Variants in OMA1 observed in about 807,000 individuals in gnomAD.
OMA1 encodes metalloendopeptidase OMA1, mitochondrial.
A neutral mutation model predicts 30.9 loss-of-function variants in OMA1; 38 were observed. The ratio of observed to expected loss-of-function variants is 1.23; its 90% CI spans 0.95 to 1.61. The LOEUF is 1.61. Ranked by LOEUF, OMA1 falls within the 40% of genes most tolerant of loss-of-function variation. The pLI is 0.00. For missense variants in OMA1, 461 were observed against 349.2 expected, an observed-to-expected ratio of 1.32 and a Z score of -2.55; for synonymous variants, 173 against 121.9, an observed-to-expected ratio of 1.42 and a Z score of -2.76.
intron 5 of OMA1, among the ~76,000 whole-genome samples, chr1:58,532,075 C>G (rs1276058082): frequency 6.6e-6 from 1 of 152,016 alleles, no homozygotes. Flanking sequence ...GAAGAGAAAG[C>G]CCTTGTTATT....
At chr1:58,484,350 C>A (rs1645538950) in intron 8 of OMA1, among the ~76,000 whole-genome samples, 1 of 152,180 alleles carries the variant, frequency 6.6e-6, no homozygotes, top group African/African-American at 2.4e-5. Flanking sequence ...ATGATCTGAT[C>A]AAAGAGTAAG....
At chr1:58,513,484 C>G (rs766888398) in intron 7 of OMA1, among the ~76,000 whole-genome samples, 1 of 152,132 alleles carries the variant, frequency 6.6e-6, no homozygotes, top group Non-Finnish European at 1.5e-5. Flanking sequence ...ACTGTAAGTA[C>G]ACGAAGAAAG....
At chr1:58,537,794 C>T (rs1646540547) in intron 2 of OMA1, among the ~76,000 whole-genome samples, 1 of 152,062 alleles carries the variant, frequency 6.6e-6, no homozygotes, top group African/African-American at 2.4e-5. Flanking sequence ...TACTTATTTC[C>T]TATTTAAAAC....
chr1:58,535,549 T>C (rs916988357), intron 3 of OMA1, among the ~76,000 whole-genome samples: 2 of 138,760 alleles, frequency 1.4e-5, no homozygotes, highest in Non-Finnish European at 3.0e-5. Flanking sequence ...TGAGCCAAGA[T>C]GGCACCACTG....
chr1:58,505,141 A>T (rs933049266), intron 8 of OMA1, among the ~76,000 whole-genome samples: 10 of 152,098 alleles, frequency 6.6e-5, no homozygotes, highest in Non-Finnish European at 1.2e-4. Context: ...CAGTAGAGAC[A>T]GGGTTTCACC....
At chr1:58,524,216 A>G (rs1241494831) in intron 7 of OMA1, among the ~76,000 whole-genome samples, 2 of 152,198 alleles carry the variant, frequency 1.3e-5, no homozygotes, top group African/African-American at 2.4e-5. Context: ...CCAGAATAGC[A>G]CACTTTCATC....
intron 6 of OMA1, among the ~76,000 whole-genome samples, chr1:58,530,032 C>A (rs1299907357): frequency 1.3e-5 from 2 of 152,150 alleles, no homozygotes; most frequent in African/African-American, 4.8e-5. Flanking sequence ...AGGCGCCCGC[C>A]ACAACGCCAG....
rs183057132 is a variant in OMA1 at position 58,485,442 on chromosome 1, T to C, written c.1366-4268A>G. 2.6e-3 allele frequency among the ~76,000 whole-genome samples: 399 copies of C among 152,072 alleles called. 1 individual carries two copies. The highest frequency in any genetic ancestry group is 5.0e-3 in the Non-Finnish European group (341 of 67,964). ...TTTAATTGCTAGAAACACTATATGT[T>C]CTTCATACAGGTTTTCTATCACTAC... On this transcript the variant is annotated intron_variant, in intron 8 of 8. Coordinates refer to ENST00000371226, the MANE Select transcript of OMA1 (RefSeq NM_145243.5).
intron 8 of OMA1, among the ~76,000 whole-genome samples, chr1:58,498,626 A>G (rs188546571): frequency 1.1e-4 from 17 of 152,308 alleles, no homozygotes; most frequent in Admixed American, 4.6e-4. Flanking sequence ...CAAAAACTCT[A>G]TAAAGGAAAT....
intron 7 of OMA1, among the ~76,000 whole-genome samples, chr1:58,511,845 A>G (rs1439885227): frequency 6.6e-6 from 1 of 152,232 alleles, no homozygotes; most frequent in East Asian, 1.9e-4. Context: ...GAAAAGTTTC[A>G]TGACTTTGGT....
chr1:58,539,846 C>T (rs1247756198), intron 1 of OMA1, among the ~76,000 whole-genome samples: 1 of 152,058 alleles, frequency 6.6e-6, no homozygotes, highest in Non-Finnish European at 1.5e-5. Context: ...CCAGTGGTTC[C>T]CCTAAATCGA....
chr1:58,509,978 G>A (rs149034841), intron 7 of OMA1, among the ~76,000 whole-genome samples: 126 of 152,148 alleles, frequency 8.3e-4, no homozygotes, highest in African/African-American at 2.9e-3. Context: ...TAACTAATGA[G>A]ATTGAGTCAA....
At chr1:58,499,314 C>CA (rs58217798) in intron 8 of OMA1, among the ~76,000 whole-genome samples, 5,880 of 69,438 alleles carry the variant, frequency 0.085, 147 homozygotes, top group East Asian at 0.14. Context: ...CACATCTCTA[C>CA]AAAAAAAAAA....
chr1:58,534,349 A>G lies in OMA1; in HGVS notation c.730-18T>C, dbSNP rs1646483627. The stretch of plus-strand genomic sequence containing the variant: ...TCCATCCACTGAAAGATTAAAAATT[A>G]CTTCTTATTTTAAAAGAGCACTACA... On this transcript the variant is annotated intron_variant, in intron 3 of 8. Coordinates refer to ENST00000371226, the MANE Select transcript of OMA1 (RefSeq NM_145243.5). The G allele has an allele frequency of 1.2e-6, 1 of 826,076 alleles. No individual in the cohort carries two copies. The allele number at this position is 826,076 out of a possible 1,614,324, so 51.2% of individuals were successfully genotyped here. A position where few individuals can be genotyped will look rare whatever the true frequency, so the allele number is the denominator to read the frequency against.
At chr1:58,540,877 C>G (rs1044200275) in intron 1 of OMA1, among the ~76,000 whole-genome samples, 1 of 150,212 alleles carries the variant, frequency 6.7e-6, no homozygotes, top group East Asian at 1.9e-4. Context: ...ATTATAAAAC[C>G]ACAAATTCAA....
chr1:58,538,283 G>C (rs556653871), intron 2 of OMA1, among the ~76,000 whole-genome samples: 1 of 152,100 alleles, frequency 6.6e-6, no homozygotes, highest in African/African-American at 2.4e-5. Flanking sequence ...GATTTGTTGG[G>C]AACAGAATAG....
chr1:58,514,806 C>T (rs1210953892), intron 7 of OMA1, among the ~76,000 whole-genome samples: 1 of 152,128 alleles, frequency 6.6e-6, no homozygotes, highest in Non-Finnish European at 1.5e-5. Context: ...TTGTTTCCAG[C>T]AGGCAAATAT....
At chr1:58,481,673 G>C (rs1429607685) in intron 8 of OMA1, among the ~76,000 whole-genome samples, 2 of 150,996 alleles carry the variant, frequency 1.3e-5, no homozygotes, top group African/African-American at 4.9e-5. Context: ...ATCTCATCTT[G>C]AATTGCAGTT....
chr1:58,527,448 T>C (rs1646370502), intron 6 of OMA1, 113 bp from the exon 7 acceptor site: 2 of 648,636 alleles, frequency 3.1e-6, no homozygotes, highest in Non-Finnish European at 5.6e-6. Context: ...ATAAAATTCC[T>C]ATACTGTCTA....
Sources: gnomAD v4.1 joint callset for allele counts (sites outside exome capture counted in the v4.1 genomes callset) on GRCh38, gnomAD v4.1.1 for gene constraint, MANE v1.5 for transcripts, NCBI Gene and HGNC (gene_info 2026-07-23, HGNC 2026-07-21) for gene names.